MCTP1: variants seen among roughly 807,000 people sequenced by gnomAD.
MCTP1 encodes the protein multiple C2 and transmembrane domain-containing protein 1.
MCTP1 carries 69 observed loss-of-function variants against 120.6 expected under a neutral mutation model. The ratio of observed to expected loss-of-function variants is 0.57; its 90% CI spans 0.47 to 0.70. The LOEUF (loss-of-function observed/expected upper bound fraction) is 0.70. Ranked by LOEUF, MCTP1 falls within the 30% of genes least tolerant of loss-of-function variation. The pLI is 0.00. For missense variants in MCTP1, 1,203 were observed against 1,248.8 expected (o/e 0.96, Z 0.55); for synonymous variants, 529 against 493.1 (o/e 1.07, Z -0.96).
chr5:94,871,356 T>A lies in MCTP1; in HGVS notation c.2098A>T (p.Ser700Cys). The change falls in exon 14 of 23, where the codon AGT becomes TGT. Residue 700 changes from serine to cysteine, a missense_variant. By Grantham distance (112) the Ser-to-Cys change is moderately radical. Transcript: ENST00000515393. Reference sequence around the variant, plus strand: ...GCAACTTTGCCCAGAAAGTCAGCACTTCGATCCCGATCTTCATCATAAACT... The same window carrying A: ...GCAACTTTGCCCAGAAAGTCAGCACATCGATCCCGATCTTCATCATAAACT... ...VTVYDEDRDR[S>C]ADFLGKVAIP... is the part of the protein sequence containing the mutation. The A allele has an allele frequency of 6.2e-7, 1 of 1,612,798 alleles. No homozygotes were observed. The highest frequency in any genetic ancestry group is 8.5e-7 in the Non-Finnish European group (1 of 1,179,146).
chr5:95,245,014 C>T lies in MCTP1; in HGVS notation c.720+38842G>A, dbSNP rs113079566. 7.2e-3 allele frequency among the ~76,000 whole-genome samples: 1,094 copies of T among 152,252 alleles called. 9 individuals are homozygous for T. Among genetic ancestry groups the T allele is most frequent in the African/African-American group, 0.025 (1,038 of 41,540 alleles). ...GCAATATTAGCTGTTCTGCAGCCTC[C>T]ACCTGTGATACCCAGGCAAACAGGG... On this transcript the variant is annotated intron_variant, in intron 1 of 22. Coordinates refer to ENST00000515393, the MANE Select transcript of MCTP1 (RefSeq NM_024717.7).
At chr5:94,931,729 G>A (rs889682385) in intron 6 of MCTP1, 9 of 527,790 alleles carry the variant, frequency 1.7e-5, no homozygotes, top group Non-Finnish European at 3.0e-5. Context: ...TGAGAATGAT[G>A]TTGAGAAGTG....
At chr5:95,183,137 C>A (rs1295698515) in intron 1 of MCTP1, among the ~76,000 whole-genome samples, 3 of 151,890 alleles carry the variant, frequency 2.0e-5, no homozygotes, top group Admixed American at 2.0e-4. Flanking sequence ...AGAAATAGAT[C>A]CATACATAAG....
intron 1 of MCTP1, among the ~76,000 whole-genome samples, chr5:95,192,271 C>T (rs901429369): frequency 7.2e-5 from 11 of 151,866 alleles, no homozygotes; most frequent in South Asian, 2.1e-4. Context: ...TTTATGAATA[C>T]GGTTATACTG....
intron 2 of MCTP1, among the ~76,000 whole-genome samples, chr5:94,978,750 C>T (rs1011743620): frequency 5.9e-5 from 9 of 152,120 alleles, no homozygotes; most frequent in African/African-American, 2.2e-4. Context: ...CTCAATTACA[C>T]AAGATGAATA....
intron 12 of MCTP1, among the ~76,000 whole-genome samples, chr5:94,879,707 A>G (rs1051007990): frequency 1.3e-5 from 2 of 152,118 alleles, no homozygotes; most frequent in East Asian, 1.9e-4. Context: ...TCCATTGTAC[A>G]CTCATGAAAG....
intron 2 of MCTP1, among the ~76,000 whole-genome samples, chr5:95,007,071 G>A (rs1468341824): frequency 6.6e-6 from 1 of 152,058 alleles, no homozygotes; most frequent in Non-Finnish European, 1.5e-5. Context: ...TGGTGGAAGG[G>A]GAAGCAAACA....
rs142024430 is a variant in MCTP1 at position 94,973,283 on chromosome 5, C to T, written c.839-19922G>A. On this transcript the variant is annotated intron_variant, in intron 2 of 22. Coordinates refer to ENST00000515393, the MANE Select transcript of MCTP1 (RefSeq NM_024717.7). ...GATGCCTAACCATCGTCATCTTTTC[C>T]GATCAACCGACTTGTCCCGTCTACC... 7.3e-3 allele frequency among the ~76,000 whole-genome samples: 1,109 copies of T among 152,238 alleles called. 21 individuals are homozygous for T. Among genetic ancestry groups the T allele is most frequent in the African/African-American group, 0.026 (1,069 of 41,550 alleles).
chr5:94,776,691 A>T (rs1191711777), intron 19 of MCTP1, among the ~76,000 whole-genome samples: 1 of 152,214 alleles, frequency 6.6e-6, no homozygotes, highest in Non-Finnish European at 1.5e-5. Flanking sequence ...GCTAGAGGTC[A>T]GTACCTGCTC....
chr5:94,892,275 A>G (rs533509033), intron 11 of MCTP1, among the ~76,000 whole-genome samples: 19 of 152,214 alleles, frequency 1.2e-4, no homozygotes, highest in Non-Finnish European at 1.8e-4. Flanking sequence ...TTTCAAGCCC[A>G]TCGTCTCACG....
Position 95,278,138 on chromosome 5 carries a change from GA to G in MCTP1, c.720+5717del, listed in dbSNP as rs1287161729. Among the ~76,000 whole-genome samples the G allele has an allele frequency of 5.9e-5, 9 of 151,992 alleles. No homozygotes were observed. The East Asian group carries it at 1.7e-3, about 29-fold the overall frequency. ...TAAGAAACTGCTACATATTAGAGGG[GA>G]AAATGTATTTGGATAAAATATTGAA... On this transcript the variant is annotated intron_variant, in intron 1 of 22. Coordinates refer to ENST00000515393, the MANE Select transcript of MCTP1 (RefSeq NM_024717.7).
intron 1 of MCTP1, among the ~76,000 whole-genome samples, chr5:95,160,808 T>G (rs1745642599): frequency 6.6e-6 from 1 of 152,040 alleles, no homozygotes; most frequent in Non-Finnish European, 1.5e-5. Flanking sequence ...AAATAGACAA[T>G]TCTCAAAAGA....
At chr5:94,711,035 G>T in intron 20 of MCTP1, 108 bp from the exon 21 acceptor site, 1 of 764,534 alleles carries the variant, frequency 1.3e-6, no homozygotes, top group Non-Finnish European at 2.2e-6. Context: ...ATTTCTCTCT[G>T]GAATAGATTC....
rs1835839364 is a variant in MCTP1, at chr5:95,011,093, G to A, written c.838+6274C>T. Among the ~76,000 whole-genome samples, 3 of 152,154 alleles carry A rather than the reference G, an allele frequency of 2.0e-5. No individual in the cohort carries two copies. The South Asian group carries it at 6.2e-4, about 32-fold the overall frequency. Reference sequence around the variant, plus strand: ...CTGACTTTGACCACCTGGTTAAGGTGGTGTCCTCCATGTTTCCCCATTGTG... The same window carrying A: ...CTGACTTTGACCACCTGGTTAAGGTAGTGTCCTCCATGTTTCCCCATTGTG... On this transcript the variant is annotated intron_variant, in intron 2 of 22. Coordinates refer to ENST00000515393, the MANE Select transcript of MCTP1 (RefSeq NM_024717.7).
intron 7 of MCTP1, among the ~76,000 whole-genome samples, chr5:94,919,485 T>A (rs1810995815): frequency 1.3e-5 from 2 of 152,166 alleles, no homozygotes; most frequent in African/African-American, 4.8e-5. Context: ...TTATCCTGGA[T>A]TTTATTACCT....
chr5:95,214,118 G>A (rs1326298593), intron 1 of MCTP1, among the ~76,000 whole-genome samples: 2 of 152,266 alleles, frequency 1.3e-5, no homozygotes, highest in Admixed American at 1.3e-4. Flanking sequence ...CTACTCATTT[G>A]ACAAAGGGCT....
intron 19 of MCTP1, among the ~76,000 whole-genome samples, chr5:94,760,900 G>T (rs1771186228): frequency 1.3e-5 from 2 of 151,948 alleles, no homozygotes; most frequent in African/African-American, 4.8e-5. Context: ...ACCCAAGCTG[G>T]TCTCCAACTC....
chr5:95,261,080 T>C (rs1330762428), intron 1 of MCTP1, among the ~76,000 whole-genome samples: 4 of 152,258 alleles, frequency 2.6e-5, no homozygotes, highest in Admixed American at 1.3e-4. Context: ...GTAGATTCTA[T>C]TCCTCTAGAT....
intron 2 of MCTP1, among the ~76,000 whole-genome samples, chr5:94,977,147 A>T (rs1346968096): frequency 6.6e-6 from 1 of 152,066 alleles, no homozygotes; most frequent in Non-Finnish European, 1.5e-5. Context: ...ATCAACATAC[A>T]AAATCAATTG....
Sources: gnomAD v4.1 joint callset for allele counts (sites outside exome capture counted in the v4.1 genomes callset) on GRCh38, gnomAD v4.1.1 for gene constraint, MANE v1.5 for transcripts, NCBI Gene and HGNC (gene_info 2026-07-23, HGNC 2026-07-21) for gene names.